The following TOX variants were observed in gnomAD, a reference collection of about 807,000 sequenced individuals.
TOX encodes thymocyte selection-associated high mobility group box protein TOX.
Under a neutral mutation model 53.7 loss-of-function variants are expected in TOX, and 11 were observed. The observed-to-expected ratio is 0.20, with a 90% CI of 0.13 to 0.34. TOX has a LOEUF of 0.34. Ranked by LOEUF, TOX falls within the 10% of genes least tolerant of loss-of-function variation. TOX has a pLI of 1.00. For missense variants in TOX, 570 were observed against 664.6 expected (o/e 0.86, Z 1.56); for synonymous variants, 225 against 245.3 (o/e 0.92, Z 0.77).
chr8:58,818,724 TG>T (rs891801039), intron 6 of TOX, among the ~76,000 whole-genome samples: 7 of 152,320 alleles, frequency 4.6e-5, no homozygotes, highest in African/African-American at 1.2e-4. Context: ...TCTGAAGGCT[TG>T]GAAAAGCCAC....
At chr8:58,847,067 C>A (rs1810730328) in intron 4 of TOX, among the ~76,000 whole-genome samples, 1 of 152,078 alleles carries the variant, frequency 6.6e-6, no homozygotes, top group Non-Finnish European at 1.5e-5. Flanking sequence ...GTTCTTGATT[C>A]TAATGGTTCA....
intron 3 of TOX, among the ~76,000 whole-genome samples, chr8:58,882,598 C>T (rs1811401837): frequency 6.6e-6 from 1 of 152,128 alleles, no homozygotes; most frequent in African/African-American, 2.4e-5. Context: ...TAGAAATTGA[C>T]CCACTTTCTT....
At chr8:58,909,052 A>C (rs1585894406) in intron 3 of TOX, among the ~76,000 whole-genome samples, 1 of 152,234 alleles carries the variant, frequency 6.6e-6, no homozygotes, top group East Asian at 1.9e-4. Flanking sequence ...GAACACAGAA[A>C]CACTGTAGCT....
At chr8:58,952,193 G>GT (rs994247361) in intron 2 of TOX, among the ~76,000 whole-genome samples, 9 of 152,084 alleles carry the variant, frequency 5.9e-5, no homozygotes, top group Admixed American at 3.9e-4. Context: ...AAGCCCCACT[G>GT]TTTTTTATAG....
chr8:59,046,496 G>A (rs1803683678), intron 1 of TOX, among the ~76,000 whole-genome samples: 1 of 152,092 alleles, frequency 6.6e-6, no homozygotes, highest in Non-Finnish European at 1.5e-5. Context: ...GGATTGCAAA[G>A]GGTTCATAAT....
chr8:59,083,041 A>G (rs1354349723), intron 1 of TOX, among the ~76,000 whole-genome samples: 1 of 152,202 alleles, frequency 6.6e-6, no homozygotes, highest in African/African-American at 2.4e-5. Context: ...GAGTGTGAGT[A>G]GGCACAGAAA....
At chr8:59,053,318 G>A (rs1179346585) in intron 1 of TOX, among the ~76,000 whole-genome samples, 1 of 151,916 alleles carries the variant, frequency 6.6e-6, no homozygotes, top group Non-Finnish European at 1.5e-5. Context: ...AAACAACAAA[G>A]TCCTGCTATC....
chr8:58,922,144 G>C (rs117211099), intron 3 of TOX, among the ~76,000 whole-genome samples: 1 of 149,794 alleles, frequency 6.7e-6, no homozygotes, highest in Non-Finnish European at 1.5e-5. Context: ...GTAAGTTAAC[G>C]ATGGGTTACT....
chr8:59,099,259 G>A (rs1215332471), intron 1 of TOX, among the ~76,000 whole-genome samples: 4 of 152,148 alleles, frequency 2.6e-5, no homozygotes, highest in Non-Finnish European at 5.9e-5. Context: ...AGAAAGATGA[G>A]AATTAAGTAA....
At chr8:59,018,193 CTATT>C (rs1814051082) in intron 1 of TOX, among the ~76,000 whole-genome samples, 1 of 152,102 alleles carries the variant, frequency 6.6e-6, no homozygotes, top group Admixed American at 6.6e-5. Flanking sequence ...ATCGACAGTC[CTATT>C]TTATATTTGT....
At chr8:59,077,652 T>C (rs1362147847) in intron 1 of TOX, among the ~76,000 whole-genome samples, 1 of 152,218 alleles carries the variant, frequency 6.6e-6, no homozygotes, top group Non-Finnish European at 1.5e-5. Context: ...AGGTTCCAGA[T>C]AGCCTTGATG....
intron 1 of TOX, among the ~76,000 whole-genome samples, chr8:58,983,144 T>C (rs1813232886): frequency 6.6e-6 from 1 of 152,366 alleles, no homozygotes; most frequent in Non-Finnish European, 1.5e-5. Context: ...TATTTGCACA[T>C]GTATGTACTT....
rs146372767 is a variant in TOX, at chr8:58,807,062, C to A, written c.*685G>T. ...GCAGTACAAAATAAATGTGTTTGCG[C>A]TTCCCTTAATACTAGTTTCTTTTTG... On this transcript the variant is annotated 3_prime_UTR_variant, in exon 9 of 9. Coordinates refer to ENST00000361421, the MANE Select transcript of TOX (RefSeq NM_014729.3). 31 of 152,710 alleles carry A rather than the reference C, an allele frequency of 2.0e-4. No individual in the cohort carries two copies. The highest frequency in any genetic ancestry group is 3.4e-4 in the Non-Finnish European group (23 of 68,016). 9.5% of individuals were successfully genotyped at this position (152,710 alleles called of 1,614,324 possible).
At chr8:58,816,026 GT>G (rs942757721) in intron 6 of TOX, among the ~76,000 whole-genome samples, 102 of 152,300 alleles carry the variant, frequency 6.7e-4, no homozygotes, top group African/African-American at 2.2e-3. Context: ...TTTGTGGAGG[GT>G]GGGGGACGGG....
chr8:58,811,528 T>G (rs536012737), intron 7 of TOX, among the ~76,000 whole-genome samples: 1 of 152,344 alleles, frequency 6.6e-6, no homozygotes, highest in Admixed American at 6.5e-5. Context: ...GGGAACTAAT[T>G]TCATTTCCTG....
intron 1 of TOX, among the ~76,000 whole-genome samples, chr8:58,980,399 G>A (rs1813181026): frequency 6.6e-6 from 1 of 151,512 alleles, no homozygotes; most frequent in Admixed American, 6.6e-5. Flanking sequence ...AATACTGGAA[G>A]GTGTACTCTG....
At chr8:58,845,961 A>G (rs896230975) in intron 4 of TOX, among the ~76,000 whole-genome samples, 3 of 152,094 alleles carry the variant, frequency 2.0e-5, no homozygotes, top group Non-Finnish European at 4.4e-5. Flanking sequence ...GAGGGCTTTT[A>G]CAGGCTTACA....
chr8:59,093,096 C>A (rs1804654242), intron 1 of TOX, among the ~76,000 whole-genome samples: 1 of 152,204 alleles, frequency 6.6e-6, no homozygotes. Flanking sequence ...GATGTATGAG[C>A]ACTTTCTTCA....
At chr8:58,958,765 T>G (rs1048480329) in intron 2 of TOX, among the ~76,000 whole-genome samples, 1 of 152,182 alleles carries the variant, frequency 6.6e-6, no homozygotes, top group Admixed American at 6.5e-5. Context: ...CCTTTTCAGC[T>G]GAACAATACT....
Sources: gnomAD v4.1 joint callset for allele counts (sites outside exome capture counted in the v4.1 genomes callset) on GRCh38, gnomAD v4.1.1 for gene constraint, MANE v1.5 for transcripts, NCBI Gene and HGNC (gene_info 2026-07-23, HGNC 2026-07-21) for gene names.